Variants in ANKS1B observed in about 807,000 individuals in gnomAD.
ANKS1B encodes ankyrin repeat and sterile alpha motif domain-containing protein 1B.
ANKS1B carries 36 observed loss-of-function variants against 148.3 expected under a neutral mutation model. That is an observed-to-expected ratio of 0.24 (90% CI 0.19 to 0.32). The LOEUF (loss-of-function observed/expected upper bound fraction) is 0.32. ANKS1B is among the 10% of genes least tolerant of loss of function. ANKS1B has a pLI of 1.00. For synonymous variants in ANKS1B, 542 were observed against 560.8 expected (o/e 0.97, Z 0.47); for missense variants, 1,157 against 1,542.6 (o/e 0.75, Z 4.19).
chr12:99,313,109 G>A (rs2083421192), intron 12 of ANKS1B, among the ~76,000 whole-genome samples: 1 of 152,118 alleles, frequency 6.6e-6, no homozygotes. Context: ...TGACCCCACA[G>A]AAATACAAGC....
In ANKS1B at chr12:99,698,973, G is replaced by GTGTGTGTGTGTGTGTGT. The variant is rs56223205; in HGVS notation, c.1129-43764_1129-43763insACACACACACACACACA. On this transcript the variant is annotated intron_variant, in intron 8 of 26. Transcript: ENST00000683438. ...TACTGCTGTTCTGTGTGTGTGTGTG[G>GTGTGTGTGTGTGTGTGT]GTGTGCACGCACGTGCGCAAGCACA... Among the ~76,000 whole-genome samples the GTGTGTGTGTGTGTGTGT allele has an allele frequency of 2.0e-4, 24 of 119,524 alleles. 1 individual carries two copies. In the South Asian group the frequency reaches 3.4e-3, roughly 17 times the overall value. 78.4% of individuals were successfully genotyped at this position (119,524 alleles called of 152,430 possible).
rs200535365 is a variant in ANKS1B at position 99,766,969 on chromosome 12, GT to G, written c.1128+5952del. Among the ~76,000 whole-genome samples, 612 of 152,096 alleles carry G rather than the reference GT, an allele frequency of 4.0e-3. 5 individuals are homozygous for G. Among genetic ancestry groups the G allele is most frequent in the African/African-American group, 0.014 (587 of 41,506 alleles). The stretch of plus-strand genomic sequence containing the variant: ...AACTTTGTTTCAGAAACACCATTTG[GT>G]TTTTAGGCAATCTAATCTGACTCTA... On this transcript the variant is annotated intron_variant, in intron 8 of 26. Transcript: ENST00000683438.
At chr12:98,869,677 A>G (rs1002918455) in intron 17 of ANKS1B, among the ~76,000 whole-genome samples, 1 of 106,084 alleles carries the variant, frequency 9.4e-6, no homozygotes, top group South Asian at 3.5e-4. Context: ...TGTGTGTGGA[A>G]TGCATACATA....
chr12:99,577,959 G>A (rs1229489872), intron 9 of ANKS1B, among the ~76,000 whole-genome samples: 1 of 152,080 alleles, frequency 6.6e-6, no homozygotes, highest in Non-Finnish European at 1.5e-5. Flanking sequence ...GAACATAGAT[G>A]TAAAAGTCCC....
At chr12:99,289,539 A>C (rs1284993986) in intron 12 of ANKS1B, among the ~76,000 whole-genome samples, 1 of 152,050 alleles carries the variant, frequency 6.6e-6, no homozygotes, top group Non-Finnish European at 1.5e-5. Flanking sequence ...AGTCTTAAAG[A>C]ATTAAAAAAT....
chr12:99,471,005 G>A (rs2096233294), intron 10 of ANKS1B, among the ~76,000 whole-genome samples: 1 of 152,020 alleles, frequency 6.6e-6, no homozygotes, highest in African/African-American at 2.4e-5. Flanking sequence ...ACATTGTATG[G>A]AATTACAATT....
intron 8 of ANKS1B, among the ~76,000 whole-genome samples, chr12:99,716,267 C>T (rs1429172253): frequency 6.6e-6 from 1 of 151,870 alleles, no homozygotes; most frequent in Non-Finnish European, 1.5e-5. Context: ...TATCTCTGCG[C>T]CCCGATCCCT....
chr12:99,157,564 T>C (rs1163672441), intron 14 of ANKS1B, among the ~76,000 whole-genome samples: 1 of 152,146 alleles, frequency 6.6e-6, no homozygotes, highest in African/African-American at 2.4e-5. Flanking sequence ...TCTCATTTCT[T>C]AGTACAGAGA....
At chr12:98,806,900 C>T (rs928895369) in intron 20 of ANKS1B, among the ~76,000 whole-genome samples, 2 of 152,298 alleles carry the variant, frequency 1.3e-5, no homozygotes, top group Admixed American at 6.5e-5. Flanking sequence ...AATGTATAGA[C>T]ACCATGGTCC....
chr12:99,187,252 G>C (rs969962702), intron 14 of ANKS1B, among the ~76,000 whole-genome samples: 5 of 151,874 alleles, frequency 3.3e-5, no homozygotes, highest in Middle Eastern at 3.4e-3. Context: ...GAACCAAGCT[G>C]GAAAATACTC....
rs1594117881 is a variant in ANKS1B, at chr12:99,405,225, G to A, written c.1576-5414C>T. 2.1e-5 allele frequency among the ~76,000 whole-genome samples: 3 copies of A among 145,382 alleles called. No individual in the cohort carries two copies. The South Asian group carries it at 6.3e-4, about 30-fold the overall frequency. On this transcript the variant is annotated intron_variant, in intron 11 of 26. Transcript: ENST00000683438. ...AATCATCTGAAGGTACATAACTCAT[G>A]AGTAAAAAAAACACAGAATAGTATA... is the stretch of plus-strand genomic sequence containing the variant.
chr12:99,015,450 T>G (rs2099941890), intron 17 of ANKS1B, among the ~76,000 whole-genome samples: 1 of 152,164 alleles, frequency 6.6e-6, no homozygotes, highest in African/African-American at 2.4e-5. Flanking sequence ...ATAATCTGTA[T>G]GATAACCCCC....
At chr12:98,823,202 C>T (rs189645677) in intron 19 of ANKS1B, among the ~76,000 whole-genome samples, 4 of 152,324 alleles carry the variant, frequency 2.6e-5, no homozygotes, top group African/African-American at 9.6e-5. Context: ...CGGGTGTCAG[C>T]TTGTCAACTT....
At chr12:99,044,105 T>C (rs937853194) in intron 17 of ANKS1B, among the ~76,000 whole-genome samples, 1 of 152,250 alleles carries the variant, frequency 6.6e-6, no homozygotes, top group African/African-American at 2.4e-5. Flanking sequence ...CTTTTGCTTT[T>C]GTATTTTCTA....
chr12:98,822,695 G>A (rs907562238), intron 19 of ANKS1B, among the ~76,000 whole-genome samples: 1 of 152,162 alleles, frequency 6.6e-6, no homozygotes, highest in South Asian at 2.1e-4. Context: ...GAGACAAGGT[G>A]GAGACGTCAG....
At chr12:99,754,670 A>T (rs2061406254) in intron 8 of ANKS1B, among the ~76,000 whole-genome samples, 1 of 152,218 alleles carries the variant, frequency 6.6e-6, no homozygotes, top group African/African-American at 2.4e-5. Context: ...AGTGCAATTA[A>T]ATTGGAAATC....
At chr12:99,616,555 C>T (rs1301473892) in intron 9 of ANKS1B, among the ~76,000 whole-genome samples, 6 of 152,022 alleles carry the variant, frequency 3.9e-5, no homozygotes, top group African/African-American at 7.2e-5. Flanking sequence ...ATTTTCTATT[C>T]AATAAATGGT....
At chr12:99,194,464 T>C (rs1461350626) in intron 14 of ANKS1B, among the ~76,000 whole-genome samples, 1 of 151,978 alleles carries the variant, frequency 6.6e-6, no homozygotes, top group Non-Finnish European at 1.5e-5. Context: ...TTGAGTTTTA[T>C]TTAATAAAAC....
chr12:99,588,635 C>T (rs1012621375), intron 9 of ANKS1B, among the ~76,000 whole-genome samples: 13 of 152,104 alleles, frequency 8.5e-5, no homozygotes, highest in African/African-American at 3.1e-4. Flanking sequence ...TCCAGGCCAA[C>T]TATCAGCCAA....
Sources: allele counts gnomAD v4.1 joint callset (sites outside exome capture counted in the v4.1 genomes callset), GRCh38; gene constraint gnomAD v4.1.1; transcripts MANE v1.5; gene names NCBI Gene and HGNC (gene_info 2026-07-23, HGNC 2026-07-21).